Variants in SYT16 observed in about 807,000 individuals in gnomAD.
SYT16 encodes synaptotagmin-16.
A neutral mutation model predicts 61.4 loss-of-function variants in SYT16; 42 were observed. The ratio of observed to expected loss-of-function variants is 0.68; its 90% CI spans 0.53 to 0.89. The LOEUF (loss-of-function observed/expected upper bound fraction) is 0.89. Among genes scored for constraint, SYT16 ranks in the 40% least tolerant of loss-of-function variants. The pLI is 0.00. For synonymous variants in SYT16, 314 were observed against 302.3 expected (o/e 1.04, Z -0.40); for missense variants, 804 against 807.3 (o/e 1.00, Z 0.05).
intron 1 of SYT16, among the ~76,000 whole-genome samples, chr14:61,851,094 T>A (rs1227273448): frequency 3.9e-5 from 6 of 152,174 alleles, no homozygotes; most frequent in African/African-American, 1.4e-4. Context: ...CAGTGTGTGT[T>A]GTTTCTCCCC....
At chr14:62,087,336 G>C (rs1052923351) in intron 7 of SYT16, among the ~76,000 whole-genome samples, 1 of 139,648 alleles carries the variant, frequency 7.2e-6, no homozygotes, top group Non-Finnish European at 1.5e-5. Context: ...AGGGAGAGCC[G>C]GCGGCAGCCT....
intron 1 of SYT16, among the ~76,000 whole-genome samples, chr14:61,829,435 C>T (rs2045867617): frequency 6.6e-6 from 1 of 152,064 alleles, no homozygotes; most frequent in South Asian, 2.1e-4. Flanking sequence ...TTTTCAATCT[C>T]TAGATTTATG....
intron 3 of SYT16, among the ~76,000 whole-genome samples, chr14:62,017,829 T>C (rs773636045): frequency 6.6e-6 from 1 of 152,114 alleles, no homozygotes; most frequent in Non-Finnish European, 1.5e-5. Context: ...CAGGTGAACT[T>C]CAGCCTCCTG....
chr14:62,001,583 G>T (rs4902092), intron 3 of SYT16, among the ~76,000 whole-genome samples: 75,848 of 151,468 alleles, frequency 0.5, 20,061 homozygotes, highest in East Asian at 0.75. Flanking sequence ...TTTGGTATTT[G>T]TTTTTCTTGT....
chr14:62,046,976 T>C (rs1249472306), intron 3 of SYT16, among the ~76,000 whole-genome samples: 1 of 152,212 alleles, frequency 6.6e-6, no homozygotes, highest in Non-Finnish European at 1.5e-5. Flanking sequence ...AATAGTTTTT[T>C]CCAATTCTGT....
At chr14:62,001,112 A>G (rs749579062) in intron 3 of SYT16, among the ~76,000 whole-genome samples, 38 of 152,120 alleles carry the variant, frequency 2.5e-4, no homozygotes, top group Non-Finnish European at 4.6e-4. Flanking sequence ...TTAAAAAGAT[A>G]AAAAGATTAT....
chr14:61,929,832 T>A (rs1196853915), intron 1 of SYT16, among the ~76,000 whole-genome samples: 2 of 152,244 alleles, frequency 1.3e-5, no homozygotes, highest in Non-Finnish European at 2.9e-5. Flanking sequence ...TGTTGCTCAA[T>A]TGCCTTTTTT....
Position 61,831,101 on chromosome 14 carries a change from T to C in SYT16, c.-325+18291T>C, listed in dbSNP as rs373083515. On this transcript the variant is annotated intron_variant, in intron 1 of 7. Transcript: ENST00000683842. ...ATGACATTTGCCAATGTCTAAGACA[T>C]TTTTGGTTGTCACAACTGGAGGGTT... 5.9e-5 allele frequency among the ~76,000 whole-genome samples: 9 copies of C among 152,336 alleles called. No individual in the cohort carries two copies. The East Asian group carries it at 1.5e-3, about 26-fold the overall frequency.
intron 1 of SYT16, chr14:61,897,499 C>T (rs2048365937): frequency 6.6e-6 from 1 of 152,074 alleles, no homozygotes; most frequent in Non-Finnish European, 1.5e-5. Context: ...TATTTTATGC[C>T]ACCTGCATAA....
intron 3 of SYT16, among the ~76,000 whole-genome samples, chr14:62,040,453 T>C (rs771373743): frequency 6.6e-6 from 1 of 152,240 alleles, no homozygotes. Context: ...TTCAGGTGCA[T>C]ACATCCAGAT....
chr14:62,080,898 A>T lies in SYT16; in HGVS notation c.1058A>T (p.Asp353Val), dbSNP rs2056683485. ...GVSEPISKCGDLDVIFEYRAA... is the reference protein window; with the variant it reads ...GVSEPISKCGVLDVIFEYRAA... ...TCAGAGCCCATCTCAAAGTGTGGTG[A>T]CCTAGATGTCATCTTTGAATATAGA... The change falls in exon 6 of 8, where the codon GAC becomes GTC. Residue 353 changes from aspartate to valine, a missense_variant. Coordinates refer to ENST00000683842, the MANE Select transcript of SYT16 (RefSeq NM_001367656.1). 1.2e-6 allele frequency: 2 copies of T among 1,604,878 alleles called. No homozygotes were observed. The highest frequency in any genetic ancestry group is 4.5e-5 in the East Asian group (2 of 44,610).
At chr14:61,958,921 G>A (rs898632545) in intron 1 of SYT16, among the ~76,000 whole-genome samples, 4 of 151,846 alleles carry the variant, frequency 2.6e-5, no homozygotes, top group Non-Finnish European at 5.9e-5. Flanking sequence ...TTTATATTTC[G>A]GGTGTTTTCA....
chr14:61,971,633 G>A (rs770669762), intron 2 of SYT16, among the ~76,000 whole-genome samples: 5 of 152,234 alleles, frequency 3.3e-5, no homozygotes, highest in African/African-American at 1.2e-4. Context: ...CAAGCTCTAC[G>A]TTTAGGAAAT....
intron 1 of SYT16, among the ~76,000 whole-genome samples, chr14:61,850,529 T>G (rs1049048440): frequency 2.6e-5 from 4 of 152,250 alleles, no homozygotes; most frequent in Non-Finnish European, 5.9e-5. Flanking sequence ...ACATATCATT[T>G]GCCTATTTTT....
intron 1 of SYT16, among the ~76,000 whole-genome samples, chr14:61,913,561 T>A (rs1049618821): frequency 6.6e-6 from 1 of 152,166 alleles, no homozygotes; most frequent in Admixed American, 6.5e-5. Context: ...TTTCCATATT[T>A]TGAAGTTAAA....
intron 3 of SYT16, among the ~76,000 whole-genome samples, chr14:62,016,956 A>G (rs1482229922): frequency 6.6e-6 from 1 of 152,122 alleles, no homozygotes; most frequent in Non-Finnish European, 1.5e-5. Context: ...CCTGTGCTAG[A>G]TTCATAATAA....
intron 1 of SYT16, among the ~76,000 whole-genome samples, chr14:61,818,013 T>G (rs1278923919): frequency 1.3e-5 from 2 of 152,256 alleles, no homozygotes; most frequent in East Asian, 3.8e-4. Context: ...ATGAAAGCAC[T>G]GAGCTATTAA....
intron 3 of SYT16, among the ~76,000 whole-genome samples, chr14:62,028,432 T>C (rs2054183312): frequency 6.6e-6 from 1 of 152,198 alleles, no homozygotes; most frequent in African/African-American, 2.4e-5. Context: ...ACAGAGCATT[T>C]AAACTTACCA....
intron 1 of SYT16, among the ~76,000 whole-genome samples, chr14:61,840,182 TAAGAG>T (rs953356502): frequency 4.6e-5 from 7 of 152,114 alleles, no homozygotes; most frequent in South Asian, 4.1e-4. Flanking sequence ...AGACAGAAGA[TAAGAG>T]AAGAAGCAGA....
Sources: allele counts gnomAD v4.1 joint callset (sites outside exome capture counted in the v4.1 genomes callset), GRCh38; gene constraint gnomAD v4.1.1; transcripts MANE v1.5; gene names NCBI Gene and HGNC (gene_info 2026-07-23, HGNC 2026-07-21).